Variants in LINGO3 observed in about 807,000 individuals in gnomAD.
The protein encoded by LINGO3 is leucine-rich repeat and immunoglobulin-like domain-containing nogo receptor-interacting protein 3.
For missense variants in LINGO3, 750 were observed against 867.7 expected, an observed-to-expected ratio of 0.86 and a Z score of 1.70; for synonymous variants, 427 against 444.2, an observed-to-expected ratio of 0.96 and a Z score of 0.49.
chr19:2,290,922 C>A lies in LINGO3; in HGVS notation c.855G>T (p.Val285=). The change falls in exon 1 of 1, where the codon GTG becomes GTT. Residue 285 remains valine, a synonymous_variant. Coordinates refer to ENST00000585527, the Ensembl canonical transcript of LINGO3. The surrounding 1 kb of genome is among the most constrained non-coding windows in gnomAD (Gnocchi z 6.0). Reference sequence around the variant, plus strand: ...CCAGGTCCCGGAACGACCCCCGCGGCACCGTGCTGATGGGGTTGTGCGACA... The same window carrying A: ...CCAGGTCCCGGAACGACCCCCGCGGAACCGTGCTGATGGGGTTGTGCGACA... 1 of 1,611,810 alleles carries A rather than the reference C, an allele frequency of 6.2e-7. No individual in the cohort carries two copies. The highest frequency in any genetic ancestry group is 8.5e-7 in the Non-Finnish European group (1 of 1,179,434).
chr19:2,290,082 C>A lies in LINGO3; in HGVS notation c.1695G>T (p.Val565=). The A allele has an allele frequency of 1.3e-6, 2 of 1,583,416 alleles. No homozygotes were observed. The highest frequency in any genetic ancestry group is 1.7e-6 in the Non-Finnish European group (2 of 1,165,786). Residue 565 remains valine (V), a synonymous_variant, in exon 1 of 1, where the codon GTG becomes GTT. Transcript: ENST00000585527. This position sits in a 1 kb window ranked among gnomAD's most constrained non-coding sequence, Gnocchi z 6.0. ...CATCCACCTTGCGGAAGGAGTACTC[C>A]ACCGAGAAGTTGTTTTTGTGCTGCC...
the LINGO3 span, among the ~76,000 whole-genome samples, chr19:2,307,854 CG>C: frequency 6.6e-6 from 1 of 152,102 alleles, no homozygotes; most frequent in Non-Finnish European, 1.5e-5. Context: ...AGAGGAGGGG[CG>C]GGGGGCCCCA....
chr19:2,295,667 C>T (rs868325537), upstream of LINGO3, among the ~76,000 whole-genome samples: 10 of 152,156 alleles, frequency 6.6e-5, no homozygotes, highest in South Asian at 2.1e-4. Context: ...ACCTGGCAGG[C>T]GGAGGTGGCA....
the LINGO3 span, among the ~76,000 whole-genome samples, chr19:2,304,802 G>A: frequency 7.5e-6 from 1 of 132,566 alleles, no homozygotes; most frequent in Admixed American, 9.2e-5. Flanking sequence ...CTGCCTCCCA[G>A]GTTCAAGTGA....
exon 1 of LINGO3, chr19:2,291,678 C>G: frequency 7.4e-7 from 1 of 1,352,684 alleles, no homozygotes; most frequent in Non-Finnish European, 9.4e-7. Context: ...CGCGGGTCTG[C>G]ACGGTGCACT....
chr19:2,287,731 A>C (rs1009978259), downstream of LINGO3, among the ~76,000 whole-genome samples: 1 of 152,192 alleles, frequency 6.6e-6, no homozygotes, highest in Admixed American at 6.5e-5. The surrounding 1 kb of genome is among the most constrained non-coding windows in gnomAD (Gnocchi z 4.5). Flanking sequence ...TGGCCTCTGA[A>C]TACAGGGTAA....
chr19:2,293,420 C>A (rs1248060945), upstream of LINGO3, among the ~76,000 whole-genome samples: 1 of 145,424 alleles, frequency 6.9e-6, no homozygotes, highest in Non-Finnish European at 1.5e-5. Flanking sequence ...TGCAGTGGTG[C>A]GATCTCAGCT....
At chr19:2,294,121 G>A (rs1181202374), upstream of LINGO3, among the ~76,000 whole-genome samples, 12 of 152,202 alleles carry the variant, frequency 7.9e-5, no homozygotes, top group Admixed American at 7.9e-4. This position sits in a 1 kb window ranked among gnomAD's most constrained non-coding sequence, Gnocchi z 4.3. Flanking sequence ...TTTGGAATCA[G>A]GGTCTTTACA....
the LINGO3 span, among the ~76,000 whole-genome samples, chr19:2,302,995 A>G: frequency 6.6e-6 from 1 of 152,264 alleles, no homozygotes; most frequent in Non-Finnish European, 1.5e-5. Context: ...CAGCCTGTGC[A>G]CGGCGCATCC....
At chr19:2,299,256 C>G in the LINGO3 span, among the ~76,000 whole-genome samples, 1 of 152,124 alleles carries the variant, frequency 6.6e-6, no homozygotes, top group African/African-American at 2.4e-5. Flanking sequence ...CAGCTGGACT[C>G]AGGCTTCTGA....
chr19:2,294,601 A>G (rs1276119452), upstream of LINGO3, among the ~76,000 whole-genome samples: 5 of 140,278 alleles, frequency 3.6e-5, no homozygotes, highest in Admixed American at 7.0e-5. This position sits in a 1 kb window ranked among gnomAD's most constrained non-coding sequence, Gnocchi z 4.3. Context: ...TAAAGGAGAG[A>G]GTGGAGGGGG....
At chr19:2,303,563 G>A in the LINGO3 span, among the ~76,000 whole-genome samples, 2 of 152,184 alleles carry the variant, frequency 1.3e-5, no homozygotes, top group African/African-American at 4.8e-5. Flanking sequence ...CCCCAGGGAG[G>A]TGTCCGGACT....
upstream of LINGO3, among the ~76,000 whole-genome samples, chr19:2,293,605 C>T (rs900440654): frequency 3.3e-5 from 5 of 151,322 alleles, no homozygotes; most frequent in East Asian, 2.0e-4. Context: ...GGTAATCCAC[C>T]GGCCTTGGCC....
rs560865354 is a variant in LINGO3 at position 2,290,853 on chromosome 19, C to T, written c.924G>A (p.Val308=). 1.3e-5 allele frequency: 21 copies of T among 1,611,692 alleles called. No individual in the cohort carries two copies. Among genetic ancestry groups the T allele is most frequent in the Admixed American group, 1.0e-4 (6 of 59,892 alleles). The change falls in exon 1 of 1, where the codon GTG becomes GTA. Residue 308 remains valine (V), a synonymous_variant. Coordinates refer to ENST00000585527, the Ensembl canonical transcript of LINGO3. The surrounding 1 kb of genome is among the most constrained non-coding windows in gnomAD (Gnocchi z 6.0). The stretch of plus-strand genomic sequence containing the variant: ...GGCCCAGGAAGGCCTGCGGCTCCAC[C>T]ACAGCCAGCAGGGCCCCGGCCAGGT...
upstream of LINGO3, among the ~76,000 whole-genome samples, chr19:2,293,560 A>G (rs2025546183): frequency 6.9e-6 from 1 of 144,130 alleles, no homozygotes; most frequent in South Asian, 2.2e-4. Flanking sequence ...GGGTTTTGCC[A>G]TGTTGGCCAG....
At chr19:2,293,355 C>T (rs987404767), upstream of LINGO3, among the ~76,000 whole-genome samples, 69 of 150,036 alleles carry the variant, frequency 4.6e-4, no homozygotes, top group African/African-American at 1.5e-3. Context: ...TGAGCCACCG[C>T]GCCTGGCCTT....
At chr19:2,292,422 A>G (rs1048081157), upstream of LINGO3, among the ~76,000 whole-genome samples, 7 of 150,744 alleles carry the variant, frequency 4.6e-5, no homozygotes, top group Admixed American at 2.0e-4. Flanking sequence ...AAAAAAAAAA[A>G]AAAGCAGCAT....
At chr19:2,300,323 C>T in the LINGO3 span, among the ~76,000 whole-genome samples, 11 of 152,068 alleles carry the variant, frequency 7.2e-5, no homozygotes, top group East Asian at 1.9e-4. Flanking sequence ...TGAGCCACTG[C>T]GCCCGGCCCC....
At chr19:2,292,727 T>TGATC (rs1185000981), upstream of LINGO3, among the ~76,000 whole-genome samples, 1 of 152,008 alleles carries the variant, frequency 6.6e-6, no homozygotes, top group African/African-American at 2.4e-5. Flanking sequence ...TGACCTCAGG[T>TGATC]GATCCACCTG....
Sources: gnomAD v4.1 joint callset for allele counts (sites outside exome capture counted in the v4.1 genomes callset) on GRCh38, gnomAD v4.1.1 for gene constraint, Gnocchi (gnomAD v3.1) non-coding constraint, MANE v1.5 for transcripts, NCBI Gene and HGNC (gene_info 2026-07-23, HGNC 2026-07-21) for gene names.